RAB3GAP2: variants seen among roughly 807,000 people sequenced by gnomAD.
RAB3GAP2 encodes RAB3 GTPase activating non-catalytic protein subunit 2.
Under a neutral mutation model 185.3 loss-of-function variants are expected in RAB3GAP2, and 87 were observed. The observed-to-expected ratio is 0.47, with a 90% CI of 0.39 to 0.56. RAB3GAP2 has a LOEUF of 0.56. Ranked by LOEUF, RAB3GAP2 falls within the 20% of genes least tolerant of loss-of-function variation. RAB3GAP2 has a pLI of 0.00. For missense variants in RAB3GAP2, 1,492 were observed against 1,638.2 expected, an observed-to-expected ratio of 0.91 and a Z score of 1.54; for synonymous variants, 554 against 576.1, an observed-to-expected ratio of 0.96 and a Z score of 0.55.
intron 21 of RAB3GAP2, among the ~76,000 whole-genome samples, chr1:220,180,557 C>T (rs1481299004): frequency 6.6e-6 from 1 of 152,078 alleles, no homozygotes; most frequent in Non-Finnish European, 1.5e-5. Flanking sequence ...CTCAACAAAC[C>T]AGTAATGGGT....
At position 220,266,720 on chromosome 1, in the gene RAB3GAP2, G is replaced by A. The variant is rs1165790995; in HGVS notation, c.115+5503C>T. ...GCACGATTCCTAAGAATACTTGCTAGTTGATTCTTTGTTTTGGCAATTTGA... is the reference window on the plus strand; with the variant it reads ...GCACGATTCCTAAGAATACTTGCTAATTGATTCTTTGTTTTGGCAATTTGA... On this transcript the variant is annotated intron_variant, in intron 1 of 34. Transcript: ENST00000358951. 13 of 1,579,636 alleles carry A rather than the reference G, an allele frequency of 8.2e-6. No homozygotes were observed. The South Asian group carries it at 1.2e-4, about 15-fold the overall frequency.
rs1160724855 is a variant in RAB3GAP2 at position 220,158,762 on chromosome 1, C to A, written c.3261+624G>T. On this transcript the variant is annotated intron_variant, in intron 29 of 34. Coordinates refer to ENST00000358951, the MANE Select transcript of RAB3GAP2 (RefSeq NM_012414.4). This position sits in a 1 kb window ranked among gnomAD's most constrained non-coding sequence, Gnocchi z 4.3. Reference sequence around the variant, plus strand: ...TGCCATATAATCTTTTTAAAACCAACAATCTTATAATTTCCTCACATCCCC... The same window carrying A: ...TGCCATATAATCTTTTTAAAACCAAAAATCTTATAATTTCCTCACATCCCC... 8.4e-6 allele frequency among the ~76,000 whole-genome samples: 1 copy of A among 119,680 alleles called. No individual in the cohort carries two copies. Among genetic ancestry groups the A allele is most frequent in the Non-Finnish European group, 1.6e-5 (1 of 62,488 alleles). The allele number at this position is 119,680 out of a possible 152,430, so 78.5% of individuals were successfully genotyped here.
Position 220,167,329 on chromosome 1 carries a change from G to T in RAB3GAP2, c.3051C>A (p.Cys1017Ter). The change falls in exon 26 of 35, where the codon TGC becomes TGA. Residue 1017 changes from cysteine (C) to a stop codon, truncating the protein, a stop_gained. Transcript: ENST00000358951. LOFTEE classifies it high-confidence loss of function. Reference sequence around the variant, plus strand: ...TATTCCACTGAACAACGTACTCCCAGCAGCAATGTGCATGCAAGACATCGA... The same window carrying T: ...TATTCCACTGAACAACGTACTCCCATCAGCAATGTGCATGCAAGACATCGA... ...LELDVLHAHC[C>*]WEYVVQWNKD... The T allele has an allele frequency of 6.2e-7, 1 of 1,614,124 alleles. No homozygotes were observed. Among genetic ancestry groups the T allele is most frequent in the Non-Finnish European group, 8.5e-7 (1 of 1,180,010 alleles).
chr1:220,254,423 C>A (rs1659996854), intron 1 of RAB3GAP2: 28 of 1,612,936 alleles, frequency 1.7e-5, no homozygotes, highest in Non-Finnish European at 2.3e-5. Context: ...AAGAGCCTTG[C>A]TTTATTACTC....
chr1:220,272,331 A>G lies in RAB3GAP2; in HGVS notation c.7T>C (p.Cys3Arg), dbSNP rs776787204. MA[C>R]SIVQFCYFQD... The stretch of plus-strand genomic sequence containing the variant: ...AAGTAGCAGAACTGGACAATGGAGC[A>G]GGCCATGGCTCCAGGGAACCCCACT... The change falls in exon 1 of 35, where the codon TGC (cysteine) becomes CGC (arginine). Residue 3 changes from cysteine to arginine, a missense_variant. Cys to Arg is a radical substitution (Grantham distance 180). Coordinates refer to ENST00000358951, the MANE Select transcript of RAB3GAP2 (RefSeq NM_012414.4). 2 of 1,608,034 alleles carry G rather than the reference A, an allele frequency of 1.2e-6. No homozygotes were observed. Among genetic ancestry groups the G allele is most frequent in the South Asian group, 1.1e-5 (1 of 89,822 alleles).
chr1:220,153,051 T>C (rs1439548548), intron 33 of RAB3GAP2, 134 bp downstream of exon 33: 1 of 721,794 alleles, frequency 1.4e-6, no homozygotes, highest in Non-Finnish European at 2.5e-6. Context: ...AAATATTCTA[T>C]TGTTCTATTT....
intron 21 of RAB3GAP2, among the ~76,000 whole-genome samples, chr1:220,178,158 G>GA (rs1292568998): frequency 1.3e-5 from 2 of 152,096 alleles, no homozygotes; most frequent in Admixed American, 1.3e-4. Flanking sequence ...AGTGTTAAAG[G>GA]AAAAAAACTG....
chr1:220,238,894 T>C (rs1373810303), intron 1 of RAB3GAP2, among the ~76,000 whole-genome samples: 1 of 152,236 alleles, frequency 6.6e-6, no homozygotes, highest in Admixed American at 6.5e-5. Flanking sequence ...ACACCCTGTC[T>C]ACACAACTAT....
chr1:220,215,683 T>G (rs1659179981), intron 2 of RAB3GAP2, among the ~76,000 whole-genome samples: 1 of 152,130 alleles, frequency 6.6e-6, no homozygotes, highest in South Asian at 2.1e-4. Flanking sequence ...TTCCTATTTG[T>G]GATGGCTTAA....
chr1:220,177,651 A>C (rs573238444), intron 21 of RAB3GAP2, among the ~76,000 whole-genome samples: 1 of 152,238 alleles, frequency 6.6e-6, no homozygotes, highest in East Asian at 1.9e-4. Flanking sequence ...GAGCTGAAAA[A>C]TAAATAAAAT....
At chr1:220,178,484 C>T (rs1304716145) in intron 21 of RAB3GAP2, among the ~76,000 whole-genome samples, 6 of 152,026 alleles carry the variant, frequency 3.9e-5, no homozygotes, top group Non-Finnish European at 7.4e-5. Context: ...ATCAAAAATG[C>T]TAAAATGGGG....
chr1:220,187,374 G>A (rs1485816862), intron 17 of RAB3GAP2, among the ~76,000 whole-genome samples: 2 of 152,112 alleles, frequency 1.3e-5, no homozygotes, highest in African/African-American at 4.8e-5. Flanking sequence ...CTGATGGGGA[G>A]CTTCTAAGAC....
At chr1:220,203,221 C>T (rs941768900) in intron 8 of RAB3GAP2, among the ~76,000 whole-genome samples, 6 of 152,176 alleles carry the variant, frequency 3.9e-5, no homozygotes, top group African/African-American at 1.4e-4. Context: ...ACCTCAGTCC[C>T]TTCACCTAGT....
chr1:220,222,916 T>G (rs1446590576), intron 2 of RAB3GAP2, among the ~76,000 whole-genome samples: 1 of 152,246 alleles, frequency 6.6e-6, no homozygotes, highest in Non-Finnish European at 1.5e-5. Context: ...ACTTGAATTT[T>G]CTATAATAAA....
intron 2 of RAB3GAP2, among the ~76,000 whole-genome samples, chr1:220,224,790 C>G (rs759550759): frequency 1.3e-5 from 2 of 152,158 alleles, no homozygotes; most frequent in Non-Finnish European, 1.5e-5. Flanking sequence ...TCCTAGAAAG[C>G]TAACTCCTAA....
Position 220,213,878 on chromosome 1 carries a change from C to T in RAB3GAP2, c.282G>A (p.Glu94=). 6.2e-7 allele frequency: 1 copy of T among 1,613,356 alleles called. No homozygotes were observed. Among genetic ancestry groups the T allele is most frequent in the Non-Finnish European group, 8.5e-7 (1 of 1,179,458 alleles). Residue 94 remains glutamate (E), a synonymous_variant, in exon 3 of 35, where the codon GAG becomes GAA. Coordinates refer to ENST00000358951, the MANE Select transcript of RAB3GAP2 (RefSeq NM_012414.4). ...PTNDLMVIAR[E]QKAVFLVPKW... is the part of the protein sequence containing the mutation. The stretch of plus-strand genomic sequence containing the variant: ...CACGCACTAGAAATACAGCTTTTTG[C>T]TCTCGAGCTATCACCATAAGATCAT...
rs372160329 is a variant in RAB3GAP2 at position 220,242,425 on chromosome 1, C to T, written c.116-9562G>A. Among the ~76,000 whole-genome samples, 473 of 151,628 alleles carry T rather than the reference C, an allele frequency of 3.1e-3. 2 individuals carry two copies. Among genetic ancestry groups the T allele is most frequent in the African/African-American group, 0.01 (424 of 41,288 alleles). On this transcript the variant is annotated intron_variant, in intron 1 of 34. Transcript: ENST00000358951. ...TATAATTTAGTGCACAATATAGAGA[C>T]ATCAACAGACAAATGCAACACAAGG... is the stretch of plus-strand genomic sequence containing the variant.
intron 8 of RAB3GAP2, among the ~76,000 whole-genome samples, chr1:220,204,650 A>G (rs534697411): frequency 1.5e-4 from 23 of 152,130 alleles, no homozygotes; most frequent in African/African-American, 5.5e-4. Context: ...ATTGTTACAT[A>G]TGTATACATG....
intron 9 of RAB3GAP2, among the ~76,000 whole-genome samples, chr1:220,198,171 C>T (rs1281653865): frequency 6.6e-6 from 1 of 152,200 alleles, no homozygotes; most frequent in Non-Finnish European, 1.5e-5. Flanking sequence ...TTTCCCCCTA[C>T]ACACATACTC....
Sources: gnomAD v4.1 joint callset for allele counts (sites outside exome capture counted in the v4.1 genomes callset) on GRCh38, gnomAD v4.1.1 for gene constraint, Gnocchi (gnomAD v3.1) non-coding constraint, MANE v1.5 for transcripts, NCBI Gene and HGNC (gene_info 2026-07-23, HGNC 2026-07-21) for gene names.